ALDH7A1: variants seen among roughly 807,000 people sequenced by gnomAD.
The protein encoded by ALDH7A1 is aldehyde dehydrogenase 7 family member A1.
A neutral mutation model predicts 79.9 loss-of-function variants in ALDH7A1; 63 were observed. That is an observed-to-expected ratio of 0.79 (90% confidence interval 0.64 to 0.97). The LOEUF (loss-of-function observed/expected upper bound fraction) is 0.97, where lower values mean the gene tolerates loss of function less well. Ranked by LOEUF, ALDH7A1 falls within the 50% of genes least tolerant of loss-of-function variation. The pLI is 0.00. For synonymous variants in ALDH7A1, 240 were observed against 231.2 expected (o/e 1.04, Z -0.34); for missense variants, 627 against 665.2 (o/e 0.94, Z 0.63).
intron 9 of ALDH7A1, among the ~76,000 whole-genome samples, chr5:126,562,746 G>T (rs1281143388): frequency 6.6e-6 from 1 of 152,142 alleles, no homozygotes; most frequent in African/African-American, 2.4e-5. Flanking sequence ...TACTCAGGAG[G>T]CTGAGGCAGG....
intron 5 of ALDH7A1, chr5:126,580,134 T>C (rs941498571): frequency 6.0e-6 from 1 of 167,258 alleles, no homozygotes. Context: ...AGTTTTCTTC[T>C]GTTGCCCAGG....
intron 7 of ALDH7A1, among the ~76,000 whole-genome samples, chr5:126,572,255 T>C (rs1022030626): frequency 6.6e-6 from 1 of 152,222 alleles, no homozygotes; most frequent in African/African-American, 2.4e-5. Context: ...ATACCCTTTA[T>C]AGCTGTTTTC....
chr5:126,594,605 C>T (rs1479705107), intron 1 of ALDH7A1, among the ~76,000 whole-genome samples: 1 of 151,814 alleles, frequency 6.6e-6, no homozygotes, highest in African/African-American at 2.4e-5. Context: ...CCACCACGCC[C>T]GGCTATTTTG....
chr5:126,553,337 G>A (rs923640487), intron 13 of ALDH7A1: 5 of 152,108 alleles, frequency 3.3e-5, no homozygotes, highest in Non-Finnish European at 5.9e-5. Flanking sequence ...TCATCATTGT[G>A]CATAAGCCAT....
At chr5:126,593,764 T>A (rs571122743) in intron 1 of ALDH7A1, 6 of 357,992 alleles carry the variant, frequency 1.7e-5, no homozygotes, top group African/African-American at 1.0e-4. Flanking sequence ...TGCTCAGAGA[T>A]GAAATGGCCA....
chr5:126,588,036 G>A (rs1581400343), intron 3 of ALDH7A1: 1 of 152,176 alleles, frequency 6.6e-6, no homozygotes, highest in African/African-American at 2.4e-5. Flanking sequence ...GTATGAGAAA[G>A]GATGTTAGGT....
intron 2 of ALDH7A1, 43 bp downstream of exon 2, chr5:126,593,308 A>AACAC (rs142510783): frequency 0.028 from 43,313 of 1,538,750 alleles, 127 homozygotes; most frequent in Admixed American, 0.059. Context: ...ATTTGAATTA[A>AACAC]ACACACACAC....
intron 4 of ALDH7A1, 105 bp from the exon 5 acceptor site, chr5:126,583,079 C>CAGACTTTCTTCAGTTTA: frequency 7.3e-7 from 1 of 1,365,472 alleles, no homozygotes; most frequent in Non-Finnish European, 1.0e-6. Flanking sequence ...ATGTAATAAA[C>CAGACTTTCTTCAGTTTA]TGAAGAAAGT....
chr5:126,583,308 T>C (rs966869466), intron 4 of ALDH7A1, among the ~76,000 whole-genome samples: 3 of 145,846 alleles, frequency 2.1e-5, no homozygotes, highest in Non-Finnish European at 4.5e-5. Flanking sequence ...TGGTGAAACT[T>C]TGTCTCTACT....
At position 126,577,185 on chromosome 5, in the gene ALDH7A1, A is replaced by G; in HGVS notation, c.544T>C (p.Trp182Arg). ...ERSGHALIEQ[W>R]NPVGLVGIIT... is the part of the protein sequence containing the mutation. Reference sequence around the variant, plus strand: ...ATTCCAACCAGGCCTACGGGATTCCACTGCTCAATCAGTGCATGGCCAGAT... The same window carrying G: ...ATTCCAACCAGGCCTACGGGATTCCGCTGCTCAATCAGTGCATGGCCAGAT... The change falls in exon 6 of 18, where the codon TGG becomes CGG. Residue 182 changes from tryptophan (W) to arginine (R), a missense_variant. Physicochemically the swap from Trp to Arg is moderately radical, Grantham distance 101. Transcript: ENST00000409134. 6.2e-7 allele frequency: 1 copy of G among 1,614,200 alleles called. No homozygotes were observed.
intron 11 of ALDH7A1, 104 bp downstream of exon 11, chr5:126,559,136 A>C: frequency 1.1e-6 from 1 of 903,798 alleles, no homozygotes; most frequent in Non-Finnish European, 1.8e-6. Flanking sequence ...ACATCTAGAG[A>C]GCATGTTGTT....
At chr5:126,565,398 A>C (rs1750545955) in intron 9 of ALDH7A1, among the ~76,000 whole-genome samples, 1 of 45,052 alleles carries the variant, frequency 2.2e-5, no homozygotes, top group Non-Finnish European at 6.3e-5. Flanking sequence ...CCATCTCAAA[A>C]AAAAAAAAAA....
intron 16 of ALDH7A1, 184 bp downstream of exon 16, chr5:126,549,745 T>C (rs1017595661): frequency 9.1e-6 from 6 of 660,550 alleles, no homozygotes; most frequent in Non-Finnish European, 1.6e-5. Context: ...TCTGAGGAGA[T>C]GACGCAGGAC....
In ALDH7A1 at chr5:126,595,200, C is replaced by CT. The variant is rs1423458376; in HGVS notation, c.-3dup. 1 of 1,551,894 alleles carries CT rather than the reference C, an allele frequency of 6.4e-7. No homozygotes were observed. The highest frequency in any genetic ancestry group is 1.2e-5 in the South Asian group (1 of 84,084). On this transcript the variant is annotated 5_prime_UTR_variant, in exon 1 of 18. Coordinates refer to ENST00000409134, the MANE Select transcript of ALDH7A1 (RefSeq NM_001182.5). ...CAGCGCGCGAGGAAGGCGCCACATA[C>CT]TGAGCCCGGGACTCGGGATGAGCCC...
At chr5:126,567,870 A>G (rs1413520103) in intron 9 of ALDH7A1, 4 of 210,424 alleles carry the variant, frequency 1.9e-5, no homozygotes, top group Non-Finnish European at 2.8e-5. Flanking sequence ...TGCAAGCTCC[A>G]CCTCCCGGGT....
At chr5:126,554,494 A>G (rs951896291) in intron 12 of ALDH7A1, 101 bp from the exon 13 acceptor site, 47 of 875,474 alleles carry the variant, frequency 5.4e-5, no homozygotes, top group Non-Finnish European at 8.6e-5. Flanking sequence ...CCCTTCCTAT[A>G]TGCTCTCAAT....
intron 9 of ALDH7A1, chr5:126,561,467 T>C (rs1750400174): frequency 5.7e-6 from 1 of 176,356 alleles, no homozygotes; most frequent in African/African-American, 2.5e-5. Flanking sequence ...AGTTCAACAA[T>C]AATATGCACC....
chr5:126,565,233 A>T (rs182987464), intron 9 of ALDH7A1, among the ~76,000 whole-genome samples: 138 of 152,066 alleles, frequency 9.1e-4, no homozygotes, highest in Middle Eastern at 3.4e-3. Flanking sequence ...TCTCTACTAA[A>T]AATACAAAAA....
In ALDH7A1 at chr5:126,555,918, A is replaced by C. The variant is rs778153313; in HGVS notation, c.1093+13T>G. On this transcript the variant is annotated intron_variant, in intron 12 of 17. Transcript: ENST00000409134. ...AAAAAGGGATCGCTTTGAAAGCAGA[A>C]GGAGATACTCACGGTCCCATGGGTT... 1.2e-6 allele frequency: 2 copies of C among 1,600,760 alleles called. No homozygotes were observed. The highest frequency in any genetic ancestry group is 1.7e-6 in the Non-Finnish European group (2 of 1,168,094).
Sources: gnomAD v4.1 joint callset for allele counts (sites outside exome capture counted in the v4.1 genomes callset) on GRCh38, gnomAD v4.1.1 for gene constraint, MANE v1.5 for transcripts, NCBI Gene and HGNC (gene_info 2026-07-23, HGNC 2026-07-21) for gene names.